ZNF704: variants seen among roughly 807,000 people sequenced by gnomAD.
ZNF704 encodes glucocorticoid induced gene 1.
ZNF704 carries 10 observed loss-of-function variants against 44.7 expected under a neutral mutation model. The observed-to-expected ratio is 0.22, with a 90% CI of 0.14 to 0.38. The LOEUF is 0.38. ZNF704 is among the 10% of genes least tolerant of loss of function. The pLI is 1.00. For missense variants in ZNF704, 390 were observed against 545.5 expected (o/e 0.71, Z 2.84); for synonymous variants, 211 against 207.6 (o/e 1.02, Z -0.14).
chr8:80,797,069 A>G (rs1022146483), intron 2 of ZNF704, among the ~76,000 whole-genome samples: 8 of 152,142 alleles, frequency 5.3e-5, no homozygotes. Flanking sequence ...GCTAGTCTGA[A>G]GCCCAAGAGG....
At chr8:80,745,515 T>G (rs1350951463) in intron 2 of ZNF704, among the ~76,000 whole-genome samples, 1 of 152,170 alleles carries the variant, frequency 6.6e-6, no homozygotes, top group African/African-American at 2.4e-5. Context: ...GTATGGATAA[T>G]GCCCAGTATC....
At chr8:80,727,093 C>T (rs1380379787) in intron 2 of ZNF704, among the ~76,000 whole-genome samples, 1 of 152,070 alleles carries the variant, frequency 6.6e-6, no homozygotes, top group African/African-American at 2.4e-5. Flanking sequence ...AATGATAGTA[C>T]ATATATCTGT....
chr8:80,649,099 G>C (rs1350003183), intron 7 of ZNF704, among the ~76,000 whole-genome samples: 1 of 152,166 alleles, frequency 6.6e-6, no homozygotes, highest in African/African-American at 2.4e-5. Context: ...AGTATAATAT[G>C]ATAATATTTC....
intron 2 of ZNF704, among the ~76,000 whole-genome samples, chr8:80,778,580 A>G (rs553446593): frequency 6.6e-6 from 1 of 152,342 alleles, no homozygotes; most frequent in Middle Eastern, 3.4e-3. Flanking sequence ...TATACTACTC[A>G]TAACAGCAAA....
At chr8:80,681,667 C>T (rs1034117859) in intron 4 of ZNF704, among the ~76,000 whole-genome samples, 4 of 152,106 alleles carry the variant, frequency 2.6e-5, no homozygotes, top group Non-Finnish European at 5.9e-5. Flanking sequence ...AACAGCAACA[C>T]CAAACAACAA....
At chr8:80,867,988 C>T (rs1436459175) in intron 1 of ZNF704, among the ~76,000 whole-genome samples, 1 of 152,202 alleles carries the variant, frequency 6.6e-6, no homozygotes, top group African/African-American at 2.4e-5. Flanking sequence ...TTATCAAACC[C>T]TCTAGATTCT....
At chr8:80,809,991 C>T (rs1481799773) in intron 2 of ZNF704, among the ~76,000 whole-genome samples, 1 of 152,122 alleles carries the variant, frequency 6.6e-6, no homozygotes, top group Non-Finnish European at 1.5e-5. Context: ...TGCTCCCTAC[C>T]AGCTTTATCC....
At chr8:80,718,737 C>T (rs1036932376) in intron 2 of ZNF704, among the ~76,000 whole-genome samples, 2 of 152,164 alleles carry the variant, frequency 1.3e-5, no homozygotes, top group African/African-American at 2.4e-5. Flanking sequence ...TAAATAAGTA[C>T]GTAACTGAGG....
chr8:80,651,339 G>A (rs1272637752), intron 7 of ZNF704, among the ~76,000 whole-genome samples: 3 of 152,160 alleles, frequency 2.0e-5, no homozygotes, highest in African/African-American at 4.8e-5. Flanking sequence ...ATGTAAATGG[G>A]CTAAATGCTC....
chr8:80,635,342 C>T lies in ZNF704; in HGVS notation c.*6024G>A, dbSNP rs1585910576. Reference sequence around the variant, plus strand: ...ACTTTCTGATCACAACCTCATGTGCCTGCTAGTTCTTCACAGTGAAAAATC... The same window carrying T: ...ACTTTCTGATCACAACCTCATGTGCTTGCTAGTTCTTCACAGTGAAAAATC... On this transcript the variant is annotated 3_prime_UTR_variant, in exon 9 of 9. Coordinates refer to ENST00000327835, the MANE Select transcript of ZNF704 (RefSeq NM_001033723.3). 6.6e-6 allele frequency: 1 copy of T among 152,202 alleles called. No homozygotes were observed. The highest frequency in any genetic ancestry group is 1.5e-5 in the Non-Finnish European group (1 of 68,036). 9.4% of individuals were successfully genotyped at this position (152,202 alleles called of 1,614,324 possible).
chr8:80,694,303 TTAACCCTGAA>T (rs1384617354), intron 2 of ZNF704: 7 of 152,214 alleles, frequency 4.6e-5, no homozygotes, highest in African/African-American at 1.7e-4. Context: ...TTTTGGCCAG[TTAACCCTGAA>T]TAAAGGTTCA....
chr8:80,876,876 T>A (rs74920023), upstream of ZNF704, among the ~76,000 whole-genome samples: 1,991 of 152,280 alleles, frequency 0.013, 41 homozygotes, highest in African/African-American at 0.045. Context: ...TAGCAAAATG[T>A]GCTTTTAAAG....
chr8:80,812,528 A>G (rs138935205), intron 2 of ZNF704: 78 of 152,750 alleles, frequency 5.1e-4, no homozygotes, highest in African/African-American at 1.8e-3. Context: ...TCTCCCAACA[A>G]GTTTGCGCAA....
At chr8:80,847,510 A>T (rs946056588) in intron 1 of ZNF704, among the ~76,000 whole-genome samples, 1 of 152,232 alleles carries the variant, frequency 6.6e-6, no homozygotes, top group Non-Finnish European at 1.5e-5. Flanking sequence ...GGACCTAGAA[A>T]AACTAAAACA....
intron 2 of ZNF704, among the ~76,000 whole-genome samples, chr8:80,709,668 G>A (rs1486244057): frequency 6.6e-6 from 1 of 151,994 alleles, no homozygotes; most frequent in Admixed American, 6.6e-5. Context: ...AAGAACTTTG[G>A]AGTAGTTCTA....
chr8:80,687,713 T>C (rs753876543), intron 3 of ZNF704, among the ~76,000 whole-genome samples: 1 of 152,212 alleles, frequency 6.6e-6, no homozygotes, highest in Non-Finnish European at 1.5e-5. Flanking sequence ...GTTTTTGTAT[T>C]GTGCAACACA....
rs779265247 is a variant in ZNF704 at position 80,756,761 on chromosome 8, C to G, written c.222-63654G>C. Among the ~76,000 whole-genome samples, 3 of 152,218 alleles carry G rather than the reference C, an allele frequency of 2.0e-5. 1 individual carries two copies. Among genetic ancestry groups the G allele is most frequent in the African/African-American group, 7.2e-5 (3 of 41,450 alleles). ...ATTCACTTCTTTACCTGAGGTTAAA[C>G]AGTGTTCATGCATTCACCAAGTGAT... On this transcript the variant is annotated intron_variant, in intron 2 of 8. Coordinates refer to ENST00000327835, the MANE Select transcript of ZNF704 (RefSeq NM_001033723.3).
chr8:80,717,475 A>G (rs550678083), intron 2 of ZNF704, among the ~76,000 whole-genome samples: 10 of 152,332 alleles, frequency 6.6e-5, no homozygotes, highest in African/African-American at 2.4e-4. Flanking sequence ...AATTTTCTCA[A>G]CTACAAATGG....
At chr8:80,664,699 C>G (rs149960393) in intron 6 of ZNF704, 116 bp downstream of exon 6, 1 of 1,271,290 alleles carries the variant, frequency 7.9e-7, no homozygotes, top group African/African-American at 1.5e-5. Flanking sequence ...TCAAAGCTAC[C>G]GGGCTGCCGT....
Sources: gnomAD v4.1 joint callset for allele counts (sites outside exome capture counted in the v4.1 genomes callset) on GRCh38, gnomAD v4.1.1 for gene constraint, MANE v1.5 for transcripts, NCBI Gene and HGNC (gene_info 2026-07-23, HGNC 2026-07-21) for gene names.